The following LRCH1 variants were observed in gnomAD, a reference collection of about 807,000 sequenced individuals.
LRCH1 encodes leucine-rich repeat and calponin homology domain-containing protein 1.
Under a neutral mutation model 94.9 loss-of-function variants are expected in LRCH1, and 23 were observed. That is an observed-to-expected ratio of 0.24 (90% CI 0.17 to 0.34). The LOEUF is 0.34. Among genes scored for constraint, LRCH1 ranks in the 10% least tolerant of loss-of-function variants. The pLI is 1.00. For synonymous variants in LRCH1, 364 were observed against 354.9 expected, an observed-to-expected ratio of 1.03 and a Z score of -0.29; for missense variants, 790 against 945.9, an observed-to-expected ratio of 0.84 and a Z score of 2.16.
intron 5 of LRCH1, among the ~76,000 whole-genome samples, chr13:46,687,323 A>C (rs969027707): frequency 4.6e-5 from 7 of 152,196 alleles, no homozygotes; most frequent in African/African-American, 1.7e-4. Context: ...ATGGTTATTG[A>C]TTATTTAGAG....
At chr13:46,746,256 A>G (rs1448671528), downstream of LRCH1, among the ~76,000 whole-genome samples, 1 of 152,216 alleles carries the variant, frequency 6.6e-6, no homozygotes, top group Non-Finnish European at 1.5e-5. Context: ...CAGGGTTATC[A>G]TAAAGAAATC....
intron 1 of LRCH1, among the ~76,000 whole-genome samples, chr13:46,608,198 A>G (rs1330284460): frequency 2.0e-5 from 3 of 152,132 alleles, no homozygotes; most frequent in Admixed American, 6.5e-5. Flanking sequence ...TTGATTCCCA[A>G]TCCCTTGCAT....
intron 1 of LRCH1, among the ~76,000 whole-genome samples, chr13:46,565,218 A>G (rs1013052493): frequency 2.0e-5 from 3 of 152,244 alleles, no homozygotes; most frequent in Admixed American, 6.5e-5. Flanking sequence ...GTTATAAGGC[A>G]CAGAAAGACT....
In LRCH1 at chr13:46,744,692, T is replaced by C; in HGVS notation, c.*2844T>C. On this transcript the variant is annotated 3_prime_UTR_variant, in exon 20 of 20. Coordinates refer to ENST00000389797, the MANE Select transcript of LRCH1 (RefSeq NM_001164211.2). ...TCTCTCGAAAACTCATGTAGATGCC[T>C]GATTGAGTCATAAGGACAAAAGGGT... The C allele has an allele frequency of 1.0e-6, 1 of 985,452 alleles. No homozygotes were observed. The highest frequency in any genetic ancestry group is 1.2e-6 in the Non-Finnish European group (1 of 829,938). 61.0% of individuals were successfully genotyped at this position (985,452 alleles called of 1,614,324 possible).
intron 1 of LRCH1, among the ~76,000 whole-genome samples, chr13:46,578,187 A>G (rs1375893825): frequency 6.6e-6 from 1 of 152,216 alleles, no homozygotes. Context: ...AGCTTTAAAA[A>G]TCAAATGGAA....
intron 5 of LRCH1, 126 bp downstream of exon 5, chr13:46,686,167 A>C (rs1419915448): frequency 2.0e-6 from 2 of 999,982 alleles, no homozygotes; most frequent in Non-Finnish European, 2.7e-6. Flanking sequence ...CGGCAGATTA[A>C]TTGGAGAAAA....
At chr13:46,674,200 C>T (rs1038633544) in intron 3 of LRCH1, among the ~76,000 whole-genome samples, 16 of 152,112 alleles carry the variant, frequency 1.1e-4, no homozygotes, top group Non-Finnish European at 1.9e-4. Context: ...AGCAGTTGTC[C>T]TTTCTAATTT....
At chr13:46,630,114 A>C (rs893169716) in intron 1 of LRCH1, among the ~76,000 whole-genome samples, 1 of 152,066 alleles carries the variant, frequency 6.6e-6, no homozygotes, top group Non-Finnish European at 1.5e-5. Context: ...CAACTGATTG[A>C]CTTTAGTTTT....
chr13:46,739,324 G>A (rs1037360097), intron 19 of LRCH1, among the ~76,000 whole-genome samples: 1 of 152,170 alleles, frequency 6.6e-6, no homozygotes, highest in African/African-American at 2.4e-5. Context: ...ATTAGCATCC[G>A]CACTTGCCTC....
chr13:46,666,504 G>T (rs1019487415), intron 2 of LRCH1, among the ~76,000 whole-genome samples: 4 of 152,148 alleles, frequency 2.6e-5, no homozygotes, highest in African/African-American at 9.7e-5. Context: ...GAGTTTCCAG[G>T]CAAAGAAATG....
rs1459041769 is a variant in LRCH1, at chr13:46,623,816, C to T, written c.308-26385C>T. ...CATGTTGGTGTGCTGCACCCATTAA[C>T]TCGTCATCTGCATTAGGTATGTCTC... On this transcript the variant is annotated intron_variant, in intron 1 of 19. Transcript: ENST00000389797. 2.7e-5 allele frequency among the ~76,000 whole-genome samples: 4 copies of T among 149,672 alleles called. No individual in the cohort carries two copies. In the East Asian group the frequency reaches 7.9e-4, roughly 29 times the overall value.
At chr13:46,554,328 G>C (rs1345657952) in intron 1 of LRCH1, among the ~76,000 whole-genome samples, 1 of 152,212 alleles carries the variant, frequency 6.6e-6, no homozygotes, top group African/African-American at 2.4e-5. Context: ...GCGCTTGTGC[G>C]GGAAAAGAGC....
chr13:46,705,415 G>A, intron 13 of LRCH1, 111 bp downstream of exon 13: 1 of 969,844 alleles, frequency 1.0e-6, no homozygotes, highest in Non-Finnish European at 1.7e-6. Flanking sequence ...TATTAATGAG[G>A]CCAATATTCA....
chr13:46,609,730 T>TG (rs1243096965), intron 1 of LRCH1, among the ~76,000 whole-genome samples: 8 of 151,944 alleles, frequency 5.3e-5, no homozygotes, highest in Non-Finnish European at 8.8e-5. Context: ...GTCTAGGGAG[T>TG]GACAGGCAAT....
chr13:46,594,670 C>T (rs186327548), intron 1 of LRCH1, among the ~76,000 whole-genome samples: 12 of 152,232 alleles, frequency 7.9e-5, no homozygotes, highest in Non-Finnish European at 7.4e-5. Flanking sequence ...CTCGATTTGA[C>T]GGGGCTGAAT....
chr13:46,672,279 T>C (rs1338656812), intron 3 of LRCH1, among the ~76,000 whole-genome samples: 1 of 152,278 alleles, frequency 6.6e-6, no homozygotes, highest in Admixed American at 6.5e-5. Context: ...CCTCACCTCC[T>C]GAGGGACATC....
chr13:46,672,777 G>A (rs1419077429), intron 3 of LRCH1, among the ~76,000 whole-genome samples: 5 of 152,146 alleles, frequency 3.3e-5, no homozygotes, highest in Admixed American at 3.3e-4. Flanking sequence ...AATAACTGCT[G>A]AACCCACAGG....
rs1326074143 is a variant in LRCH1 at position 46,721,276 on chromosome 13, G to T, written c.1760-1945G>T. On this transcript the variant is annotated intron_variant, in intron 16 of 19. Transcript: ENST00000389797. The stretch of plus-strand genomic sequence containing the variant: ...AGATAAGATTACCCCCAGAAAAAAG[G>T]CAAAGGAAAGTAACAGCTCCAAAGA... Among the ~76,000 whole-genome samples, 3 of 152,076 alleles carry T rather than the reference G, an allele frequency of 2.0e-5. No individual in the cohort carries two copies. The East Asian group carries it at 5.8e-4, about 29-fold the overall frequency.
intron 16 of LRCH1, among the ~76,000 whole-genome samples, chr13:46,716,124 C>T (rs370437400): frequency 1.3e-5 from 2 of 151,926 alleles, no homozygotes; most frequent in South Asian, 2.1e-4. Flanking sequence ...ATAATGTTAA[C>T]GTGGAGAAAT....
Sources: gnomAD v4.1 joint callset for allele counts (sites outside exome capture counted in the v4.1 genomes callset) on GRCh38, gnomAD v4.1.1 for gene constraint, MANE v1.5 for transcripts, NCBI Gene and HGNC (gene_info 2026-07-23, HGNC 2026-07-21) for gene names.